The following TMEM117 variants were observed in gnomAD, a reference collection of about 807,000 sequenced individuals.
TMEM117 encodes the protein transmembrane protein 117.
A neutral mutation model predicts 52.4 loss-of-function variants in TMEM117; 27 were observed. The ratio of observed to expected loss-of-function variants is 0.51; its 90% CI spans 0.38 to 0.71. TMEM117 has a LOEUF of 0.71. Ranked by LOEUF, TMEM117 falls within the 30% of genes least tolerant of loss-of-function variation. TMEM117 has a pLI of 0.00. For missense variants in TMEM117, 556 were observed against 630.5 expected, an observed-to-expected ratio of 0.88 and a Z score of 1.26; for synonymous variants, 215 against 206.3, an observed-to-expected ratio of 1.04 and a Z score of -0.36.
the TMEM117 span, among the ~76,000 whole-genome samples, chr12:43,806,845 A>C: frequency 6.6e-6 from 1 of 152,184 alleles, no homozygotes; most frequent in African/African-American, 2.4e-5. Context: ...TTTTCTTTTC[A>C]GCTGGACACA....
downstream of TMEM117, among the ~76,000 whole-genome samples, chr12:44,392,119 A>G (rs981114016): frequency 2.6e-5 from 4 of 152,158 alleles, no homozygotes; most frequent in Admixed American, 2.0e-4. Flanking sequence ...AAGCTCAGAA[A>G]CGTTTGGGTT....
chr12:43,882,898 T>G (rs948013865), intron 2 of TMEM117, among the ~76,000 whole-genome samples: 1 of 152,240 alleles, frequency 6.6e-6, no homozygotes, highest in African/African-American at 2.4e-5. Flanking sequence ...TTCATTTCTC[T>G]GCAGCATCTT....
intron 3 of TMEM117, among the ~76,000 whole-genome samples, chr12:43,979,685 T>C (rs974771964): frequency 6.6e-6 from 1 of 152,184 alleles, no homozygotes; most frequent in Non-Finnish European, 1.5e-5. Context: ...CCATAAGTCA[T>C]GCAAAAGTCT....
chr12:44,282,906 C>T (rs944751826), intron 5 of TMEM117, among the ~76,000 whole-genome samples: 9 of 152,350 alleles, frequency 5.9e-5, no homozygotes, highest in African/African-American at 2.2e-4. Flanking sequence ...GGTCCTCGTG[C>T]TGTGTGCAGC....
chr12:44,071,651 A>G (rs1351977523), intron 3 of TMEM117, among the ~76,000 whole-genome samples: 1 of 152,194 alleles, frequency 6.6e-6, no homozygotes, highest in African/African-American at 2.4e-5. Flanking sequence ...AGCTGCTAAC[A>G]GCTTTCTGTA....
At chr12:43,882,755 G>T (rs1413277894) in intron 2 of TMEM117, among the ~76,000 whole-genome samples, 2 of 152,174 alleles carry the variant, frequency 1.3e-5, no homozygotes, top group Non-Finnish European at 2.9e-5. Flanking sequence ...TTGGGCAAGG[G>T]CACCTTCTGG....
chr12:44,298,754 C>T (rs1950799925), intron 5 of TMEM117, among the ~76,000 whole-genome samples: 1 of 150,790 alleles, frequency 6.6e-6, no homozygotes, highest in South Asian at 2.1e-4. Flanking sequence ...GTCACTAGAC[C>T]ACAAGCCATG....
Position 43,836,101 on chromosome 12 carries a change from T to TCGCCGCGCTTCCCAGCGAGGC in TMEM117, c.-118_-98dup, listed in dbSNP as rs1943022129. The TCGCCGCGCTTCCCAGCGAGGC allele has an allele frequency of 6.6e-6, 1 of 151,792 alleles. No individual in the cohort carries two copies. The highest frequency in any genetic ancestry group is 2.4e-5 in the African/African-American group (1 of 41,366). 9.4% of individuals were successfully genotyped at this position (151,792 alleles called of 1,614,324 possible). A position where few individuals can be genotyped will look rare whatever the true frequency, so the allele number is the denominator to read the frequency against. ...GCGGCAGCGACGCCGCCGGCCCGTC[T>TCGCCGCGCTTCCCAGCGAGGC]CGCCGCGCTTCCCAGCGAGGCCGCC... On this transcript the variant is annotated 5_prime_UTR_variant, in exon 1 of 8. Coordinates refer to ENST00000266534, the MANE Select transcript of TMEM117 (RefSeq NM_032256.3).
At chr12:43,881,180 CATAG>C (rs1320729494) in intron 2 of TMEM117, among the ~76,000 whole-genome samples, 1 of 152,120 alleles carries the variant, frequency 6.6e-6, no homozygotes, top group East Asian at 1.9e-4. Context: ...CTATCAGGAA[CATAG>C]ATATTATTAA....
At chr12:44,264,258 A>G (rs905321077) in intron 5 of TMEM117, among the ~76,000 whole-genome samples, 2 of 152,152 alleles carry the variant, frequency 1.3e-5, no homozygotes, top group African/African-American at 4.8e-5. Flanking sequence ...TTCAAAAGCC[A>G]TTTCTCAGTG....
At chr12:44,230,045 T>G (rs1393183616) in intron 5 of TMEM117, among the ~76,000 whole-genome samples, 2 of 152,138 alleles carry the variant, frequency 1.3e-5, no homozygotes, top group Non-Finnish European at 2.9e-5. Context: ...ACCTATTATC[T>G]TCATTTCAGA....
chr12:43,914,928 C>T (rs1465721827), intron 2 of TMEM117, among the ~76,000 whole-genome samples: 1 of 152,132 alleles, frequency 6.6e-6, no homozygotes, highest in Admixed American at 6.6e-5. Context: ...TTAAAACTCA[C>T]TGTACATCTG....
At position 43,909,117 on chromosome 12, in the gene TMEM117, T is replaced by C. The variant is rs1293818141; in HGVS notation, c.278-35093T>C. 6.9e-4 allele frequency among the ~76,000 whole-genome samples: 43 copies of C among 62,478 alleles called. 7 individuals are homozygous for C. The highest frequency in any genetic ancestry group is 1.3e-3 in the African/African-American group (43 of 32,362). The allele number at this position is 62,478 out of a possible 152,430, so 41.0% of individuals were successfully genotyped here. On this transcript the variant is annotated intron_variant, in intron 2 of 7. Transcript: ENST00000266534. ...TGGAAGTAAAGCTCTCCTCAGCAAA[T>C]GTAAAAGAACAGAAATTACAACAAA...
Position 44,300,018 on chromosome 12 carries a change from GA to G in TMEM117, c.768+287del, listed in dbSNP as rs533867382. Among the ~76,000 whole-genome samples the G allele has an allele frequency of 1.7e-4, 26 of 151,508 alleles. No homozygotes were observed. In the South Asian group the frequency reaches 2.9e-3, roughly 17 times the overall value. On this transcript the variant is annotated intron_variant, in intron 6 of 7. Transcript: ENST00000266534. ...GTATTTTCTGCCTAGGCTTTAGGGG[GA>G]AAAAAAACACACTCAGAAACAAAAA...
intron 6 of TMEM117, among the ~76,000 whole-genome samples, chr12:44,306,125 G>GA (rs1950900117): frequency 6.6e-6 from 1 of 152,104 alleles, no homozygotes; most frequent in African/African-American, 2.4e-5. Flanking sequence ...GACTACTGGA[G>GA]AGGGTAGAAG....
intron 3 of TMEM117, among the ~76,000 whole-genome samples, chr12:43,969,454 G>A (rs1278955519): frequency 2.0e-5 from 3 of 151,286 alleles, no homozygotes; most frequent in African/African-American, 4.9e-5. Flanking sequence ...CCTGGGAGGC[G>A]GAGGTTGCAG....
intron 3 of TMEM117, among the ~76,000 whole-genome samples, chr12:44,046,064 A>G (rs1459585453): frequency 6.6e-6 from 1 of 152,146 alleles, no homozygotes; most frequent in African/African-American, 2.4e-5. Flanking sequence ...CGTTCAATAT[A>G]TGGTACTATT....
At chr12:44,041,508 G>T (rs139480822) in intron 3 of TMEM117, among the ~76,000 whole-genome samples, 13 of 151,610 alleles carry the variant, frequency 8.6e-5, no homozygotes, top group Non-Finnish European at 1.5e-5. Flanking sequence ...GGCTTAGGAG[G>T]TACATATGCA....
At chr12:43,838,198 A>G (rs112279625) in intron 1 of TMEM117, among the ~76,000 whole-genome samples, 1,544 of 151,456 alleles carry the variant, frequency 0.01, 26 homozygotes, top group African/African-American at 0.035. Context: ...CTGCCTTTTT[A>G]TCTAACAATT....
Sources: gnomAD v4.1 joint callset for allele counts (sites outside exome capture counted in the v4.1 genomes callset) on GRCh38, gnomAD v4.1.1 for gene constraint, MANE v1.5 for transcripts, NCBI Gene and HGNC (gene_info 2026-07-23, HGNC 2026-07-21) for gene names.